KRT3: variants seen among roughly 807,000 people sequenced by gnomAD.
KRT3 encodes keratin, type II cytoskeletal 3.
In KRT3, 34 loss-of-function variants were observed where a neutral mutation model predicts 45.8. That is an observed-to-expected ratio of 0.74 (90% CI 0.57 to 0.99). The LOEUF is 0.99. Among genes scored for constraint, KRT3 ranks in the 50% least tolerant of loss-of-function variants. The pLI is 0.00. For synonymous variants in KRT3, 367 were observed against 329.0 expected, an observed-to-expected ratio of 1.12 and a Z score of -1.25; for missense variants, 828 against 820.6, an observed-to-expected ratio of 1.01 and a Z score of -0.11.
rs1299500453 is a variant in KRT3 at position 52,790,064 on chromosome 12, G to C, written c.1865C>G (p.Ser622Cys). ...GSIKFSQSSQ[S>C]SQRYSR ...TCTTTATCTGGAGTAGCGCTGGGAG[G>C]ACTGGGAGGACTGGGAGAACTTGAT... is the stretch of plus-strand genomic sequence containing the variant. Residue 622 changes from serine to cysteine, a missense_variant, in exon 9 of 9, where the codon TCC becomes TGC. Coordinates refer to ENST00000417996, the MANE Select transcript of KRT3 (RefSeq NM_057088.3). The C allele has an allele frequency of 6.5e-7, 1 of 1,539,740 alleles. No homozygotes were observed. The highest frequency in any genetic ancestry group is 2.0e-5 in the Admixed American group (1 of 50,978).
intron 1 of KRT3, 74 bp from the exon 2 acceptor site, chr12:52,794,405 A>G: frequency 9.1e-7 from 1 of 1,098,978 alleles, no homozygotes. Context: ...CTCAGGTAGG[A>G]CTAGGTGTCT....
In KRT3 at chr12:52,790,892, A is replaced by G; in HGVS notation, c.1536-20T>C. The G allele has an allele frequency of 6.3e-7, 1 of 1,589,338 alleles. No individual in the cohort carries two copies. Among genetic ancestry groups the G allele is most frequent in the Non-Finnish European group, 8.6e-7 (1 of 1,167,774 alleles). ...GACATCCTGTTTGAGAAAGCAAGAG[A>G]AAGTGGGCCCCGTCACAAAGCACAT... On this transcript the variant is annotated intron_variant, in intron 7 of 8. Transcript: ENST00000417996.
At chr12:52,791,035 G>T (rs992101306) in intron 7 of KRT3, among the ~76,000 whole-genome samples, 163 bp from the exon 8 acceptor site, 2 of 152,230 alleles carry the variant, frequency 1.3e-5, no homozygotes, top group Non-Finnish European at 2.9e-5. Context: ...GAGCCTGTGG[G>T]CACTGGTTGC....
Position 52,796,082 on chromosome 12 carries a change from G to A in KRT3, c.-40C>T, listed in dbSNP as rs1003659895. The A allele has an allele frequency of 1.9e-6, 3 of 1,602,402 alleles. No homozygotes were observed. The African/African-American group carries it at 4.0e-5, about 21-fold the overall frequency. ...CGAAGAGAAGAGTGTAAGTTAAGCAGGGACACTGAGAGTCAGAGGAAGAGG... is the reference window on the plus strand; with the variant it reads ...CGAAGAGAAGAGTGTAAGTTAAGCAAGGACACTGAGAGTCAGAGGAAGAGG... On this transcript the variant is annotated 5_prime_UTR_variant, in exon 1 of 9. Coordinates refer to ENST00000417996, the MANE Select transcript of KRT3 (RefSeq NM_057088.3).
rs750195996 is a variant in KRT3, at chr12:52,794,284, G to A, written c.693C>T (p.Asn231=). Residue 231 remains asparagine (N), a synonymous_variant, in exon 2 of 9, where the codon AAC becomes AAT. Transcript: ENST00000417996. ...QQNKVLETKW[N]LLQQQGTSSI... is the part of the protein sequence containing the mutation. The stretch of plus-strand genomic sequence containing the variant: ...AACTTGTGCCCTGCTGCTGGAGCAG[G>A]TTCCACTTGGTCTCCAGGACTTTGT... 1.2e-6 allele frequency: 2 copies of A among 1,614,164 alleles called. No homozygotes were observed. The highest frequency in any genetic ancestry group is 1.3e-5 in the African/African-American group (1 of 75,070).
In KRT3 at chr12:52,791,196, G is replaced by A. The variant is rs184637646; in HGVS notation, c.1535+10C>T. ...CCAGGGGGTGTGGGAAGACGGGACT[G>A]GAGGCTCACCTGTACTCCTCGCCCT... On this transcript the variant is annotated intron_variant, in intron 7 of 8. Coordinates refer to ENST00000417996, the MANE Select transcript of KRT3 (RefSeq NM_057088.3). 2.4e-5 allele frequency: 39 copies of A among 1,613,998 alleles called. No individual in the cohort carries two copies. In the African/African-American group the frequency reaches 4.9e-4, roughly 20 times the overall value.
intron 7 of KRT3, 72 bp from the exon 8 acceptor site, chr12:52,790,944 A>C: frequency 7.0e-7 from 1 of 1,438,012 alleles, no homozygotes; most frequent in Non-Finnish European, 9.6e-7. Flanking sequence ...GACCAAGGGC[A>C]TGAATAGCAA....
rs1285152557 is a variant in KRT3, at chr12:52,789,941, G to T, written c.*101C>A. 11 of 1,249,982 alleles carry T rather than the reference G, an allele frequency of 8.8e-6. No individual in the cohort carries two copies. The highest frequency in any genetic ancestry group is 2.5e-5 in the East Asian group (1 of 39,384). The allele number at this position is 1,249,982 out of a possible 1,614,324, so 77.4% of individuals were successfully genotyped here. On this transcript the variant is annotated 3_prime_UTR_variant, in exon 9 of 9. Coordinates refer to ENST00000417996, the MANE Select transcript of KRT3 (RefSeq NM_057088.3). The stretch of plus-strand genomic sequence containing the variant: ...CACAAGCCTTCCAGCGCAGAGCCGC[G>T]TTCTTGGGGAGCATGGGGTGGCGCT...
chr12:52,794,466 C>T (rs571099919), intron 1 of KRT3, 135 bp from the exon 2 acceptor site: 23 of 648,994 alleles, frequency 3.5e-5, no homozygotes, highest in African/African-American at 3.3e-4. Context: ...AAGATAGGCT[C>T]CTACTGTAGT....
At chr12:52,790,441 C>T in intron 8 of KRT3, 83 bp from the exon 9 acceptor site, 1 of 1,349,854 alleles carries the variant, frequency 7.4e-7, no homozygotes, top group Non-Finnish European at 1.0e-6. Flanking sequence ...ACCGGGCCCA[C>T]GACTATCCAG....
Position 52,793,235 on chromosome 12 carries a change from A to G in KRT3, c.867-12T>C. ...TTTCATCCTCATATCTGTGTGAATA[A>G]AAAAGAAACAGCTGAGTTTGGTTTT... On this transcript the variant is annotated splice_polypyrimidine_tract_variant and intron_variant, in intron 2 of 8. Transcript: ENST00000417996. 6.3e-7 allele frequency: 1 copy of G among 1,590,732 alleles called. No individual in the cohort carries two copies. Among genetic ancestry groups the G allele is most frequent in the Non-Finnish European group, 8.6e-7 (1 of 1,166,248 alleles).
intron 1 of KRT3, among the ~76,000 whole-genome samples, chr12:52,795,188 C>T (rs1348332505): frequency 6.6e-6 from 1 of 152,128 alleles, no homozygotes; most frequent in Non-Finnish European, 1.5e-5. Context: ...TGCTCAGGTC[C>T]AAATAGGGGA....
rs766412120 is a variant in KRT3 at position 52,795,994 on chromosome 12, A to G, written c.49T>C (p.Ser17Pro). 25 of 1,613,786 alleles carry G rather than the reference A, an allele frequency of 1.5e-5. No individual in the cohort carries two copies. The Admixed American group carries it at 2.8e-4, about 18-fold the overall frequency. The change falls in exon 1 of 9, where the codon TCC becomes CCC. Residue 17 changes from serine (S) to proline (P), a missense_variant. Transcript: ENST00000417996. ...KTSGGGSQGFSGRSAVVSGSS... is the reference protein window; with the variant it reads ...KTSGGGSQGFPGRSAVVSGSS... ...CCGGAGACCACAGCAGAGCGGCCGG[A>G]GAAACCCTGGCTCCCGCCACCAGAT... is the stretch of plus-strand genomic sequence containing the variant.
rs1478486220 is a variant in KRT3 at position 52,790,206 on chromosome 12, C to A, written c.1723G>T (p.Gly575Ter). The A allele has an allele frequency of 1.3e-6, 2 of 1,549,696 alleles. No homozygotes were observed. The highest frequency in any genetic ancestry group is 1.2e-5 in the South Asian group (1 of 84,036). Residue 575 changes from glycine (G) to a stop codon, truncating the protein, a stop_gained, in exon 9 of 9, where the codon GGA becomes TGA. Coordinates refer to ENST00000417996, the MANE Select transcript of KRT3 (RefSeq NM_057088.3). LOFTEE classifies it low-confidence loss of function (END_TRUNC). ...GRGGGGGIGG[G>*]FGGGSSGFSG... ...AAACCGCTGCTGCCGCCGCCAAATC[C>A]ACCGCCGATTCCACCGCCGCCTCCC...
At position 52,795,816 on chromosome 12, in the gene KRT3, C is replaced by G. The variant is rs201539577; in HGVS notation, c.227G>C (p.Arg76Pro). The G allele has an allele frequency of 1.9e-6, 3 of 1,613,920 alleles. No homozygotes were observed. In the Admixed American group the frequency reaches 5.0e-5, roughly 27 times the overall value. The change falls in exon 1 of 9, where the codon CGG (arginine) becomes CCG (proline). Residue 76 changes from arginine to proline, a missense_variant. Arg to Pro is a moderately radical substitution (Grantham distance 103). Coordinates refer to ENST00000417996, the MANE Select transcript of KRT3 (RefSeq NM_057088.3). The stretch of plus-strand genomic sequence containing the variant: ...CCGCCCTCCCCCAAAGCCTCCAGCC[C>G]GGGAGCCGCCAGCTGCCACGCTGAT... ...ISISVAAGGS[R>P]AGGFGGGRSS...
At chr12:52,792,848 C>T (rs1391968157) in intron 3 of KRT3, 42 bp from the exon 4 acceptor site, 2 of 1,272,348 alleles carry the variant, frequency 1.6e-6, no homozygotes, top group Non-Finnish European at 2.3e-6. Context: ...TCCCAATGAA[C>T]AAACAGCAAA....
In KRT3 at chr12:52,795,400, T is replaced by C; in HGVS notation, c.643A>G (p.Lys215Glu). The C allele has an allele frequency of 6.2e-7, 1 of 1,614,096 alleles. No homozygotes were observed. ...LNNKFASFID[K>E]VRFLEQQNKV... Reference sequence around the variant, plus strand: ...ATGACCAGTCAAAGCTTCATTACCTTGTCAATGAAGGAGGCAAACTTGTTG... The same window carrying C: ...ATGACCAGTCAAAGCTTCATTACCTCGTCAATGAAGGAGGCAAACTTGTTG... The change falls in exon 1 of 9, where the codon AAG becomes GAG. Residue 215 changes from lysine (K) to glutamate (E), a missense_variant and splice_region_variant. Physicochemically the swap from Lys to Glu is moderately conservative, Grantham distance 56. Transcript: ENST00000417996.
In KRT3 at chr12:52,794,210, T is replaced by C. The variant is rs760032613; in HGVS notation, c.767A>G (p.Asn256Ser). Residue 256 changes from asparagine (N) to serine (S), a missense_variant, in exon 2 of 9, where the codon AAC (asparagine) becomes AGC (serine). By Grantham distance (46) the Asn-to-Ser change is conservative. Transcript: ENST00000417996. The stretch of plus-strand genomic sequence containing the variant: ...GTTGTCCAGGTAGCTCCGCAGGTAG[T>C]TGATGTGATTCTCAAAAAGAGGCTC... ...NLEPLFENHI[N>S]YLRSYLDNIL... The C allele has an allele frequency of 6.2e-7, 1 of 1,614,116 alleles. No homozygotes were observed. The highest frequency in any genetic ancestry group is 1.1e-5 in the South Asian group (1 of 91,076).
chr12:52,790,056 GCTGGGAGGA>G lies in KRT3; in HGVS notation c.1864_1872del (p.Ser622_Gln624del), dbSNP rs1565676825. 3.2e-6 allele frequency: 5 copies of G among 1,539,430 alleles called. No individual in the cohort carries two copies. The highest frequency in any genetic ancestry group is 3.9e-5 in the Admixed American group (2 of 50,998). ...ATGCGTGCTCTTTATCTGGAGTAGCGCTGGGAGGACTGGGAGGACTGGGAGAACTTGATG... is the reference window on the plus strand; with the variant it reads ...ATGCGTGCTCTTTATCTGGAGTAGCGCTGGGAGGACTGGGAGAACTTGATG... On this transcript the variant is annotated inframe_deletion, in exon 9 of 9. Coordinates refer to ENST00000417996, the MANE Select transcript of KRT3 (RefSeq NM_057088.3).
Sources: allele counts gnomAD v4.1 joint callset (sites outside exome capture counted in the v4.1 genomes callset), GRCh38; gene constraint gnomAD v4.1.1; transcripts MANE v1.5; gene names NCBI Gene and HGNC (gene_info 2026-07-23, HGNC 2026-07-21).